MDC1: variants seen among roughly 807,000 people sequenced by gnomAD.
The protein encoded by MDC1 is mediator of DNA damage checkpoint 1.
A neutral mutation model predicts 142.5 loss-of-function variants in MDC1; 81 were observed. That is an observed-to-expected ratio of 0.57 (90% CI 0.47 to 0.68). The LOEUF (loss-of-function observed/expected upper bound fraction) is 0.68, where lower values mean the gene tolerates loss of function less well. Among genes scored for constraint, MDC1 ranks in the 30% least tolerant of loss-of-function variants. The pLI, the probability that MDC1 is intolerant of heterozygous loss-of-function variation, is 0.00. For synonymous variants in MDC1, 797 were observed against 968.4 expected (o/e 0.82, Z 3.29); for missense variants, 2,119 against 2,547.9 (o/e 0.83, Z 3.62).
At position 30,700,532 on chromosome 6, in the gene MDC1, C is replaced by T. The variant is rs748671860; in HGVS notation, c.6203G>A (p.Gly2068Glu). The change falls in exon 15 of 15, where the codon GGA becomes GAA. Residue 2068 changes from glycine (G) to glutamate (E), a missense_variant. Physicochemically the swap from Gly to Glu is moderately conservative, Grantham distance 98. Coordinates refer to ENST00000376406, the MANE Select transcript of MDC1 (RefSeq NM_014641.3). ...PLLSPEFLLT[G>E]VLKQEAKPEA... Reference sequence around the variant, plus strand: ...TGGCTTGGCTTCCTGCTTCAGCACTCCAGTCAGCAGGAACTCAGGCGAGAG... The same window carrying T: ...TGGCTTGGCTTCCTGCTTCAGCACTTCAGTCAGCAGGAACTCAGGCGAGAG... The T allele has an allele frequency of 6.2e-7, 1 of 1,612,942 alleles. No homozygotes were observed. The highest frequency in any genetic ancestry group is 1.1e-5 in the South Asian group (1 of 91,072).
In MDC1 at chr6:30,715,032, C is replaced by T. The variant is rs758260980; in HGVS notation, c.136+8G>A. ...ATATCAATACTTGAACATCCAATACCCTCTGACCTTTTTCTGGTCCATGGG... is the reference window on the plus strand; with the variant it reads ...ATATCAATACTTGAACATCCAATACTCTCTGACCTTTTTCTGGTCCATGGG... On this transcript the variant is annotated splice_region_variant and intron_variant, in intron 2 of 14. Coordinates refer to ENST00000376406, the MANE Select transcript of MDC1 (RefSeq NM_014641.3). The surrounding 1 kb of genome is among the most constrained non-coding windows in gnomAD (Gnocchi z 4.1). 3 of 1,613,988 alleles carry T rather than the reference C, an allele frequency of 1.9e-6. No homozygotes were observed. Among genetic ancestry groups the T allele is most frequent in the East Asian group, 2.2e-5 (1 of 44,878 alleles).
chr6:30,708,072 T>G lies in MDC1; in HGVS notation c.2507A>C (p.Glu836Ala), dbSNP rs753319332. Residue 836 changes from glutamate (E) to alanine (A), a missense_variant, in exon 8 of 15, where the codon GAG becomes GCG. Transcript: ENST00000376406. ...TGTCTGTCTTTCTGGTAGCAGTTTC[T>G]CAGTTTCTCTCTCCAATGGCCCTCT... ...PERGPLERET[E>A]KLLPERQTDV... 3 of 1,613,118 alleles carry G rather than the reference T, an allele frequency of 1.9e-6. No individual in the cohort carries two copies. Among genetic ancestry groups the G allele is most frequent in the Non-Finnish European group, 2.5e-6 (3 of 1,180,038 alleles).
At position 30,711,691 on chromosome 6, in the gene MDC1, A is replaced by G. The variant is rs1239413545; in HGVS notation, c.2104T>C (p.Phe702Leu). 1.9e-6 allele frequency: 3 copies of G among 1,612,912 alleles called. No homozygotes were observed. In the African/African-American group the frequency reaches 4.0e-5, roughly 22 times the overall value. Residue 702 changes from phenylalanine to leucine, a missense_variant, in exon 6 of 15, where the codon TTT becomes CTT. Transcript: ENST00000376406. ...EDLDLQATQC[F>L]LENQGLEAVQ... ...CCTTCCAGGCCCTGATTCTCCAGAA[A>G]GCACTGGGTAGCTTGTAGGTCCAGA...
rs1581642386 is a variant in MDC1, at chr6:30,717,113, A to T, written c.-4+132T>A. 5 of 154,634 alleles carry T rather than the reference A, an allele frequency of 3.2e-5. No individual in the cohort carries two copies. In the South Asian group the frequency reaches 1.0e-3, roughly 32 times the overall value. The allele number at this position is 154,634 out of a possible 1,614,324, so 9.6% of individuals were successfully genotyped here. A position where few individuals can be genotyped will look rare whatever the true frequency, so the allele number is the denominator to read the frequency against. ...ACTCGGAGCGGGGCGCCAGGTAAGG[A>T]TGAGTATTACAGTCCGAGAAGCGAA... On this transcript the variant is annotated intron_variant, in intron 1 of 14. Transcript: ENST00000376406.
rs774976533 is a variant in MDC1 at position 30,704,321 on chromosome 6, G to T, written c.4862C>A (p.Pro1621His). Residue 1621 changes from proline to histidine, a missense_variant, in exon 10 of 15, where the codon CCT becomes CAT. Transcript: ENST00000376406. ...GACAGGCTGGTCTGTGGAGGTGGTA[G>T]GATGGGGCTCAGGGGCTGTGGGGAC... ...PVVPTAPEPHPTTSTDQPVTP... is the reference protein window; with the variant it reads ...PVVPTAPEPHHTTSTDQPVTP... 6.2e-7 allele frequency: 1 copy of T among 1,613,630 alleles called. No homozygotes were observed. Among genetic ancestry groups the T allele is most frequent in the Non-Finnish European group, 8.5e-7 (1 of 1,179,828 alleles).
chr6:30,716,777 G>C lies in MDC1; in HGVS notation c.-4+468C>G. ...TGTTTGAAGTATTTGGTATACATCT[G>C]TGAACCAAACATGAAATCGACCCTG... On this transcript the variant is annotated intron_variant, in intron 1 of 14. Coordinates refer to ENST00000376406, the MANE Select transcript of MDC1 (RefSeq NM_014641.3). The surrounding 1 kb of genome is among the most constrained non-coding windows in gnomAD (Gnocchi z 4.4). 1.5e-5 allele frequency: 5 copies of C among 332,610 alleles called. No homozygotes were observed. Among genetic ancestry groups the C allele is most frequent in the South Asian group, 1.2e-4 (1 of 8,518 alleles). The allele number at this position is 332,610 out of a possible 1,614,324, so 20.6% of individuals were successfully genotyped here. A position where few individuals can be genotyped will look rare whatever the true frequency, so the allele number is the denominator to read the frequency against.
Position 30,708,050 on chromosome 6 carries a change from C to T in MDC1, c.2529G>A (p.Gln843=). ...RETEKLLPER[Q]TDVTGEEELT... ...ATTCTTCCTCTCCTGTCACATCTGT[C>T]TGTCTTTCTGGTAGCAGTTTCTCAG... is the stretch of plus-strand genomic sequence containing the variant. The change falls in exon 8 of 15, where the codon CAG becomes CAA. Residue 843 remains glutamine, a synonymous_variant. Transcript: ENST00000376406. The T allele has an allele frequency of 2.5e-6, 4 of 1,613,104 alleles. No homozygotes were observed. Among genetic ancestry groups the T allele is most frequent in the Non-Finnish European group, 3.4e-6 (4 of 1,180,034 alleles).
Position 30,703,457 on chromosome 6 carries a change from G to C in MDC1, c.5643C>G (p.Leu1881=), listed in dbSNP as rs775881692. The C allele has an allele frequency of 5.6e-6, 9 of 1,613,868 alleles. No homozygotes were observed. In the East Asian group the frequency reaches 1.8e-4, roughly 32 times the overall value. The change falls in exon 11 of 15, where the codon CTC becomes CTG. Residue 1881 remains leucine (L), a synonymous_variant. Coordinates refer to ENST00000376406, the MANE Select transcript of MDC1 (RefSeq NM_014641.3). This position sits in a 1 kb window ranked among gnomAD's most constrained non-coding sequence, Gnocchi z 4.4. ...EEPNRIPSRS[L]RRTKLNQEST... ...ATTCTTGGTTAAGTTTGGTCCGTCG[G>C]AGGCTGCGGCTTGGTATTCTGTTGG... is the stretch of plus-strand genomic sequence containing the variant.
Position 30,712,808 on chromosome 6 carries a change from T to A in MDC1, c.1134A>T (p.Thr378=). 6.2e-7 allele frequency: 1 copy of A among 1,612,992 alleles called. No individual in the cohort carries two copies. The change falls in exon 5 of 15, where the codon ACA becomes ACT. Residue 378 remains threonine, a synonymous_variant. Transcript: ENST00000376406. The surrounding 1 kb of genome is among the most constrained non-coding windows in gnomAD (Gnocchi z 4.7). ...HLQESQAGSD[T]DVEEGKAPQA... is the part of the protein sequence containing the mutation. ...GTGGGGCCTTGCCTTCTTCCACATC[T>A]GTATCACTACCAGCCTGGCTCTCCT...
rs1476713069 is a variant in MDC1 at position 30,711,579 on chromosome 6, C to A, written c.2129-75G>T. On this transcript the variant is annotated intron_variant, in intron 6 of 14. Transcript: ENST00000376406. ...GTTCCATTCCTGGTCTCCTACCCTACCCATACTAGCCTTTACCCTTCAAGG... is the reference window on the plus strand; with the variant it reads ...GTTCCATTCCTGGTCTCCTACCCTAACCATACTAGCCTTTACCCTTCAAGG... 18 of 1,595,966 alleles carry A rather than the reference C, an allele frequency of 1.1e-5. 1 individual carries two copies. The highest frequency in any genetic ancestry group is 1.5e-5 in the Non-Finnish European group (17 of 1,164,898).
At chr6:30,701,100 AAAAG>A (rs1238718858) in intron 14 of MDC1, among the ~76,000 whole-genome samples, 18 of 148,114 alleles carry the variant, frequency 1.2e-4, no homozygotes, top group African/African-American at 4.0e-4. Context: ...AGAAAAAAAA[AAAAG>A]AAATACTCTT....
chr6:30,707,290 G>C (rs1295501633), intron 9 of MDC1, 94 bp downstream of exon 9: 2 of 1,308,790 alleles, frequency 1.5e-6, no homozygotes, highest in African/African-American at 1.5e-5. Context: ...TGAATAATGA[G>C]AAAGGAATAG....
Position 30,713,241 on chromosome 6 carries a change from G to A in MDC1, c.701C>T (p.Ser234Phe). The A allele has an allele frequency of 1.2e-6, 2 of 1,613,106 alleles. No homozygotes were observed. The highest frequency in any genetic ancestry group is 1.7e-6 in the Non-Finnish European group (2 of 1,180,042). ...EGQQPATEEASSAARRGATVE... is the reference protein window; with the variant it reads ...EGQQPATEEAFSAARRGATVE... ...AGTGGCACCTCTTCTGGCAGCTGAGGAGGCCTCCTCTGTGGCTGGTTGCTG... is the reference window on the plus strand; with the variant it reads ...AGTGGCACCTCTTCTGGCAGCTGAGAAGGCCTCCTCTGTGGCTGGTTGCTG... Residue 234 changes from serine to phenylalanine, a missense_variant, in exon 5 of 15, where the codon TCC becomes TTC. Transcript: ENST00000376406. The surrounding 1 kb of genome is among the most constrained non-coding windows in gnomAD (Gnocchi z 4.9).
chr6:30,707,667 ACC>A lies in MDC1; in HGVS notation c.2910_2911del (p.Val971GlyfsTer44). On this transcript the variant is annotated frameshift_variant, in exon 8 of 15. Coordinates refer to ENST00000376406, the MANE Select transcript of MDC1 (RefSeq NM_014641.3). LOFTEE classifies it high-confidence loss of function. The stretch of plus-strand genomic sequence containing the variant: ...AGGTCCCGGAAGGTCCCCCGCCCCC[ACC>A]CCAGGCTCTGGTGTTGGGCTGGAGG... The A allele has an allele frequency of 6.2e-7, 1 of 1,612,796 alleles. No homozygotes were observed. The highest frequency in any genetic ancestry group is 8.5e-7 in the Non-Finnish European group (1 of 1,179,960).
In MDC1 at chr6:30,716,086, C is replaced by T. The variant is rs904730425; in HGVS notation, c.-3-908G>A. On this transcript the variant is annotated intron_variant, in intron 1 of 14. Transcript: ENST00000376406. The surrounding 1 kb of genome is among the most constrained non-coding windows in gnomAD (Gnocchi z 4.4). ...CGCAAAAGCCTATGGTTCAGCCAGACATTTTCCCCAGTCTTCGAACACACT... is the reference window on the plus strand; with the variant it reads ...CGCAAAAGCCTATGGTTCAGCCAGATATTTTCCCCAGTCTTCGAACACACT... 2.0e-5 allele frequency among the ~76,000 whole-genome samples: 3 copies of T among 152,160 alleles called. No homozygotes were observed. The highest frequency in any genetic ancestry group is 4.8e-5 in the African/African-American group (2 of 41,408).
In MDC1 at chr6:30,716,826, G is replaced by T; in HGVS notation, c.-4+419C>A. The T allele has an allele frequency of 2.4e-6, 2 of 847,802 alleles. No homozygotes were observed. The highest frequency in any genetic ancestry group is 2.8e-6 in the Non-Finnish European group (2 of 704,298). The allele number at this position is 847,802 out of a possible 1,614,324, so 52.5% of individuals were successfully genotyped here. On this transcript the variant is annotated intron_variant, in intron 1 of 14. Coordinates refer to ENST00000376406, the MANE Select transcript of MDC1 (RefSeq NM_014641.3). The surrounding 1 kb of genome is among the most constrained non-coding windows in gnomAD (Gnocchi z 4.4). ...TGCCCTCGGGAAGGCTCATCACCGA[G>T]CCTACTGATGAAGGAACAAATGAGA...
Position 30,700,458 on chromosome 6 carries a change from G to A in MDC1, c.*7C>T, listed in dbSNP as rs1304981670. 3.7e-6 allele frequency: 6 copies of A among 1,610,102 alleles called. No individual in the cohort carries two copies. The highest frequency in any genetic ancestry group is 5.1e-6 in the Non-Finnish European group (6 of 1,177,646). ...GTGGTCTGGGAGGGAAAAGGGTAGTGGAGTTCTCAGGTGGATGACATCTCC... is the reference window on the plus strand; with the variant it reads ...GTGGTCTGGGAGGGAAAAGGGTAGTAGAGTTCTCAGGTGGATGACATCTCC... On this transcript the variant is annotated 3_prime_UTR_variant, in exon 15 of 15. Coordinates refer to ENST00000376406, the MANE Select transcript of MDC1 (RefSeq NM_014641.3).
At chr6:30,700,902 CAAA>C (rs9281018) in intron 14 of MDC1, among the ~76,000 whole-genome samples, 2 of 70,556 alleles carry the variant, frequency 2.8e-5, no homozygotes, top group African/African-American at 6.1e-5. Context: ...ACTAAAAATA[CAAA>C]AAAAAAAAAA....
intron 9 of MDC1, among the ~76,000 whole-genome samples, chr6:30,706,980 A>C (rs868373486): frequency 1.1e-4 from 16 of 152,260 alleles, no homozygotes; most frequent in Middle Eastern, 3.4e-3. Flanking sequence ...AAAGAACAAA[A>C]ACAAAAAATA....
Sources: allele counts gnomAD v4.1 joint callset (sites outside exome capture counted in the v4.1 genomes callset), GRCh38; gene constraint gnomAD v4.1.1; non-coding constraint Gnocchi (gnomAD v3.1); transcripts MANE v1.5; gene names NCBI Gene and HGNC (gene_info 2026-07-23, HGNC 2026-07-21).